The following CYP24A1 variants were observed in gnomAD, a reference collection of about 807,000 sequenced individuals.
The protein encoded by CYP24A1 is 1,25-dihydroxyvitamin D(3) 24-hydroxylase, mitochondrial.
Under a neutral mutation model 62.4 loss-of-function variants are expected in CYP24A1, and 68 were observed. The ratio of observed to expected loss-of-function variants is 1.09; its 90% confidence interval spans 0.90 to 1.33. CYP24A1 has a LOEUF of 1.33. CYP24A1 is among the 40% of genes most tolerant of loss of function. The probability of loss-of-function intolerance (pLI) is 0.00; values close to 1 mark genes in which losing one functional copy is unlikely to be tolerated. For synonymous variants in CYP24A1, 267 were observed against 253.0 expected (o/e 1.06, Z -0.52); for missense variants, 787 against 653.0 (o/e 1.21, Z -2.24).
chr20:54,149,040 G>A (rs760662148), downstream of CYP24A1, among the ~76,000 whole-genome samples: 4 of 152,164 alleles, frequency 2.6e-5, no homozygotes, highest in African/African-American at 4.8e-5. Flanking sequence ...TACAGATGGC[G>A]TAAGAGCAGG....
chr20:54,166,042 C>A (rs2092670728), intron 4 of CYP24A1, among the ~76,000 whole-genome samples: 2 of 152,190 alleles, frequency 1.3e-5, no homozygotes, highest in African/African-American at 4.8e-5. Flanking sequence ...ATCTCCAGGT[C>A]CAATGACTCA....
intron 5 of CYP24A1, 139 bp from the exon 6 acceptor site, chr20:54,164,702 C>A: frequency 1.6e-5 from 24 of 1,515,148 alleles, no homozygotes; most frequent in Non-Finnish European, 2.1e-5. Context: ...CCCCGGCTCT[C>A]TCTGCACCGG....
rs1224590633 is a variant in CYP24A1 at position 54,173,122 on chromosome 20, C to A, written c.259-23G>T. 4 of 1,600,090 alleles carry A rather than the reference C, an allele frequency of 2.5e-6. No homozygotes were observed. The African/African-American group carries it at 4.0e-5, about 16-fold the overall frequency. On this transcript the variant is annotated intron_variant, in intron 1 of 11. Coordinates refer to ENST00000216862, the MANE Select transcript of CYP24A1 (RefSeq NM_000782.5). The surrounding 1 kb of genome is among the most constrained non-coding windows in gnomAD (Gnocchi z 7.2). ...CACCTGCAGCCGGCCGGGCACAGCG[C>A]GGTGTCAGCGCGCATCCTCCGCCGT...
In CYP24A1 at chr20:54,157,237, A is replaced by G; in HGVS notation, c.1487T>C (p.Leu496Pro). The stretch of plus-strand genomic sequence containing the variant: ...GCTGGGCACCAGGGTGCCTGAGTGT[A>G]GCATCTCAACAGGCTCATTGTCTGT... ...QATDNEPVEM[L>P]HSGTLVPSRE... is the part of the protein sequence containing the mutation. Residue 496 changes from leucine to proline, a missense_variant, in exon 11 of 12, where the codon CTA (leucine) becomes CCA (proline). Leu to Pro is a moderately conservative substitution (Grantham distance 98). Transcript: ENST00000216862. 6.2e-7 allele frequency: 1 copy of G among 1,613,694 alleles called. No homozygotes were observed. The highest frequency in any genetic ancestry group is 8.5e-7 in the Non-Finnish European group (1 of 1,179,618).
chr20:54,173,812 C>T lies in CYP24A1; in HGVS notation c.-233G>A, dbSNP rs1484650907. The T allele has an allele frequency of 1.0e-5, 6 of 577,746 alleles. No individual in the cohort carries two copies. Among genetic ancestry groups the T allele is most frequent in the Non-Finnish European group, 1.5e-5 (5 of 324,358 alleles). 35.8% of individuals were successfully genotyped at this position (577,746 alleles called of 1,614,324 possible). A position where few individuals can be genotyped will look rare whatever the true frequency, so the allele number is the denominator to read the frequency against. ...AGCATTGGTGCCTCCTTGCACTGGC[C>T]GCAGGGGCTGGAAGAGGGTGGCCGG... On this transcript the variant is annotated 5_prime_UTR_variant, in exon 1 of 12. Transcript: ENST00000216862. This position sits in a 1 kb window ranked among gnomAD's most constrained non-coding sequence, Gnocchi z 7.2.
intron 11 of CYP24A1, 178 bp from the exon 12 acceptor site, chr20:54,154,939 T>TAAAAAAAAAAAAA (rs61165834): frequency 1.8e-4 from 9 of 49,856 alleles, no homozygotes; most frequent in East Asian, 1.8e-3. Context: ...TTGGTCTTGG[T>TAAAAAAAAAAAAA]AAAAAAAAAA....
intron 7 of CYP24A1, among the ~76,000 whole-genome samples, chr20:54,162,041 G>A (rs892391094): frequency 1.3e-5 from 2 of 152,098 alleles, no homozygotes; most frequent in African/African-American, 4.8e-5. Context: ...ATTTGTTTGG[G>A]GTTGGTCTCA....
downstream of CYP24A1, among the ~76,000 whole-genome samples, chr20:54,149,838 T>G (rs775629749): frequency 6.6e-6 from 1 of 152,216 alleles, no homozygotes; most frequent in Non-Finnish European, 1.5e-5. Flanking sequence ...TTATTTCTCA[T>G]GCACATCTCA....
At chr20:54,167,599 C>G (rs954411866) in intron 4 of CYP24A1, among the ~76,000 whole-genome samples, 4 of 152,026 alleles carry the variant, frequency 2.6e-5, no homozygotes, top group African/African-American at 9.7e-5. Flanking sequence ...TGGTGAAACC[C>G]CATCTGTACT....
Position 54,164,500 on chromosome 20 carries a change from T to C in CYP24A1, c.796A>G (p.Lys266Glu), listed in dbSNP as rs1407836482. The C allele has an allele frequency of 4.3e-6, 7 of 1,614,038 alleles. No homozygotes were observed. The highest frequency in any genetic ancestry group is 3.3e-5 in the Admixed American group (2 of 60,006). Residue 266 changes from lysine (K) to glutamate (E), a missense_variant, in exon 6 of 12, where the codon AAG becomes GAG. By Grantham distance (56) the Lys-to-Glu change is moderately conservative. Transcript: ENST00000216862. ...PVELHKSLNT[K>E]VWQDHTLAWD... ...GCCAGAGTGTGGTCCTGCCAGACCTTGGTGTTGAGGCTCTTGTGCAGCTCG... is the reference window on the plus strand; with the variant it reads ...GCCAGAGTGTGGTCCTGCCAGACCTCGGTGTTGAGGCTCTTGTGCAGCTCG...
At chr20:54,159,808 C>A (rs964290129) in intron 7 of CYP24A1, among the ~76,000 whole-genome samples, 1 of 152,256 alleles carries the variant, frequency 6.6e-6, no homozygotes, top group Non-Finnish European at 1.5e-5. Flanking sequence ...AACGTTTTCT[C>A]GTTAGACAGG....
At chr20:54,145,639 C>CAA in the CYP24A1 span, among the ~76,000 whole-genome samples, 44 of 93,772 alleles carry the variant, frequency 4.7e-4, no homozygotes, top group African/African-American at 8.5e-4. Context: ...GACTCTGTCT[C>CAA]AAAAAAAAAA....
At chr20:54,146,477 T>C in the CYP24A1 span, among the ~76,000 whole-genome samples, 1 of 152,044 alleles carries the variant, frequency 6.6e-6, no homozygotes, top group Non-Finnish European at 1.5e-5. Flanking sequence ...TCTGGGCCAA[T>C]CATAACAGAA....
At chr20:54,168,913 C>T (rs2092684082) in intron 4 of CYP24A1, among the ~76,000 whole-genome samples, 1 of 144,286 alleles carries the variant, frequency 6.9e-6, no homozygotes, top group Non-Finnish European at 1.5e-5. Context: ...CTCTCTCTTT[C>T]TTGAGACGGG....
intron 9 of CYP24A1, 116 bp downstream of exon 9, chr20:54,157,970 C>A: frequency 6.6e-7 from 1 of 1,521,572 alleles, no homozygotes; most frequent in Non-Finnish European, 8.8e-7. Flanking sequence ...TCTCTACCAT[C>A]TCTGCATTCC....
chr20:54,164,559 A>C lies in CYP24A1; in HGVS notation c.737T>G (p.Met246Arg), dbSNP rs1184059796. ...GACCATCATCCTCCCAAACGTGCTCATCATCTGAGAGAAATGCAAATGCCT... is the reference window on the plus strand; with the variant it reads ...GACCATCATCCTCCCAAACGTGCTCCTCATCTGAGAGAAATGCAAATGCCT... ...VNFIMAIKTMMSTFGRMMVTP... is the reference protein window; with the variant it reads ...VNFIMAIKTMRSTFGRMMVTP... Residue 246 changes from methionine (M) to arginine (R), a missense_variant, in exon 6 of 12, where the codon ATG becomes AGG. Met to Arg is a moderately conservative substitution (Grantham distance 91, BLOSUM62 -1). Coordinates refer to ENST00000216862, the MANE Select transcript of CYP24A1 (RefSeq NM_000782.5). The C allele has an allele frequency of 6.2e-7, 1 of 1,614,084 alleles. No individual in the cohort carries two copies. The highest frequency in any genetic ancestry group is 8.5e-7 in the Non-Finnish European group (1 of 1,180,034).
rs780410874 is a variant in CYP24A1 at position 54,159,146 on chromosome 20, CTT to C, written c.991-25_991-24del. 17 of 1,603,580 alleles carry C rather than the reference CTT, an allele frequency of 1.1e-5. 1 individual carries two copies. The South Asian group carries it at 1.9e-4, about 18-fold the overall frequency. On this transcript the variant is annotated intron_variant, in intron 7 of 11. Coordinates refer to ENST00000216862, the MANE Select transcript of CYP24A1 (RefSeq NM_000782.5). ...TGTCTGCAAGCCAAATGGACATAAA[CTT>C]GAGTTTTTGTAAATAACTGCATTAA...
intron 4 of CYP24A1, among the ~76,000 whole-genome samples, chr20:54,168,899 G>GTC (rs1263333365): frequency 1.0e-5 from 1 of 95,672 alleles, no homozygotes. Context: ...TCCTTTCTCT[G>GTC]TCTCTCTCTC....
intron 5 of CYP24A1, among the ~76,000 whole-genome samples, 157 bp from the exon 6 acceptor site, chr20:54,164,720 A>C (rs1300958855): frequency 6.6e-6 from 1 of 151,972 alleles, no homozygotes; most frequent in Non-Finnish European, 1.5e-5. Context: ...CGGTCCTGGG[A>C]GCAATGCCCG....
Sources: allele counts gnomAD v4.1 joint callset (sites outside exome capture counted in the v4.1 genomes callset), GRCh38; gene constraint gnomAD v4.1.1; non-coding constraint Gnocchi (gnomAD v3.1); transcripts MANE v1.5; gene names NCBI Gene and HGNC (gene_info 2026-07-23, HGNC 2026-07-21).